The following OPCML variants were observed in gnomAD, a reference collection of about 807,000 sequenced individuals.
OPCML encodes opioid binding protein/cell adhesion molecule like.
A neutral mutation model predicts 37.8 loss-of-function variants in OPCML; 13 were observed. The observed-to-expected ratio is 0.34, with a 90% CI of 0.22 to 0.55. The LOEUF is 0.55. Ranked by LOEUF, OPCML falls within the 20% of genes least tolerant of loss-of-function variation. OPCML has a pLI of 0.91. For synonymous variants in OPCML, 176 were observed against 168.8 expected, an observed-to-expected ratio of 1.04 and a Z score of -0.33; for missense variants, 341 against 435.6, an observed-to-expected ratio of 0.78 and a Z score of 1.93.
At chr11:132,956,010 A>G (rs1945970838) in intron 1 of OPCML, among the ~76,000 whole-genome samples, 1 of 152,240 alleles carries the variant, frequency 6.6e-6, no homozygotes, top group Admixed American at 6.5e-5. Flanking sequence ...AATTAATAAT[A>G]AAAATAATTA....
At chr11:133,494,914 A>C (rs567295744) in intron 1 of OPCML, among the ~76,000 whole-genome samples, 45 of 151,906 alleles carry the variant, frequency 3.0e-4, no homozygotes, top group African/African-American at 1.1e-3. Context: ...AGTTTTTTCA[A>C]TTTTATTTTT....
intron 2 of OPCML, among the ~76,000 whole-genome samples, chr11:132,806,285 A>C (rs1939002169): frequency 6.6e-6 from 1 of 152,142 alleles, no homozygotes; most frequent in African/African-American, 2.4e-5. Context: ...TGAAATGTGA[A>C]GGGATTTAAA....
intron 2 of OPCML, among the ~76,000 whole-genome samples, chr11:132,660,756 C>T (rs1941938054): frequency 6.6e-6 from 1 of 152,140 alleles, no homozygotes; most frequent in Non-Finnish European, 1.5e-5. Flanking sequence ...CCCTGCTTTG[C>T]TTCTGTGGGA....
rs141764359 is a variant in OPCML, at chr11:133,062,172, C to T, written c.62-119162G>A. 3.3e-3 allele frequency among the ~76,000 whole-genome samples: 500 copies of T among 152,302 alleles called. 2 individuals carry two copies. The Middle Eastern group carries it at 0.034, about 10-fold the overall frequency. On this transcript the variant is annotated intron_variant, in intron 1 of 7. Coordinates refer to ENST00000524381, the MANE Select transcript of OPCML (RefSeq NM_001012393.5). Reference sequence around the variant, plus strand: ...GTCCACAGTGTCAGGGAGGAAAGCACAGGAGCAGCTTGCATCAGACTCCAC... The same window carrying T: ...GTCCACAGTGTCAGGGAGGAAAGCATAGGAGCAGCTTGCATCAGACTCCAC...
intron 3 of OPCML, among the ~76,000 whole-genome samples, chr11:132,580,167 C>G (rs1412902091): frequency 6.6e-6 from 1 of 152,166 alleles, no homozygotes; most frequent in East Asian, 1.9e-4. Context: ...TCCCTTATGT[C>G]TTTGTGCCAC....
chr11:132,963,779 C>G (rs1015666796), intron 1 of OPCML, among the ~76,000 whole-genome samples: 3 of 151,862 alleles, frequency 2.0e-5, no homozygotes, highest in Non-Finnish European at 4.4e-5. Flanking sequence ...TTAATTGTTG[C>G]TGGTCTTACT....
At chr11:133,487,323 T>A (rs1947551326) in intron 1 of OPCML, among the ~76,000 whole-genome samples, 1 of 152,140 alleles carries the variant, frequency 6.6e-6, no homozygotes, top group Non-Finnish European at 1.5e-5. Flanking sequence ...TCTTTTGTGA[T>A]CTTTTGAAAT....
chr11:132,965,444 T>C (rs1283601757), intron 1 of OPCML, among the ~76,000 whole-genome samples: 1 of 152,218 alleles, frequency 6.6e-6, no homozygotes, highest in Non-Finnish European at 1.5e-5. Context: ...TGTTAGTAGT[T>C]GTGAATTTCT....
intron 1 of OPCML, among the ~76,000 whole-genome samples, chr11:133,321,840 G>A (rs546109223): frequency 5.3e-4 from 80 of 152,134 alleles, no homozygotes; most frequent in African/African-American, 1.7e-3. Flanking sequence ...AAATACCTGC[G>A]TGACTATTTC....
At chr11:133,358,946 A>G (rs1473265063) in intron 1 of OPCML, among the ~76,000 whole-genome samples, 1 of 150,224 alleles carries the variant, frequency 6.7e-6, no homozygotes. Context: ...GGGTATGAGT[A>G]TGTGTGTAGG....
chr11:133,258,302 T>C (rs1487322965), intron 1 of OPCML, among the ~76,000 whole-genome samples: 1 of 152,174 alleles, frequency 6.6e-6, no homozygotes, highest in African/African-American at 2.4e-5. Context: ...GAATAGGGGA[T>C]GTCAGGAGCT....
chr11:132,621,975 A>C (rs1939437500), intron 3 of OPCML, among the ~76,000 whole-genome samples: 1 of 152,204 alleles, frequency 6.6e-6, no homozygotes, highest in South Asian at 2.1e-4. Flanking sequence ...AATTATTGAA[A>C]TAGAGATTAG....
At chr11:133,091,280 G>C (rs1050086094) in intron 1 of OPCML, among the ~76,000 whole-genome samples, 3 of 152,164 alleles carry the variant, frequency 2.0e-5, no homozygotes, top group Non-Finnish European at 4.4e-5. Context: ...GCCTCAGAGA[G>C]CCTCAGGGCC....
intron 4 of OPCML, among the ~76,000 whole-genome samples, chr11:132,524,808 C>A (rs1031619125): frequency 6.6e-6 from 1 of 152,188 alleles, no homozygotes; most frequent in Admixed American, 6.5e-5. Context: ...TGGGATCCAC[C>A]TTTGGAAACT....
intron 1 of OPCML, among the ~76,000 whole-genome samples, chr11:133,115,992 C>T (rs557124754): frequency 4.6e-5 from 7 of 151,660 alleles, no homozygotes; most frequent in East Asian, 1.9e-4. Context: ...ATTTTTGAGA[C>T]GGGGTCTCGC....
chr11:133,420,562 C>A lies in OPCML; in HGVS notation c.61+111702G>T, dbSNP rs1945866417. On this transcript the variant is annotated intron_variant, in intron 1 of 7. Transcript: ENST00000524381. Reference sequence around the variant, plus strand: ...TCCATCTGCAAACATCATTAACATGCTATTTACTCCCTCATTAACACTGAA... The same window carrying A: ...TCCATCTGCAAACATCATTAACATGATATTTACTCCCTCATTAACACTGAA... 4 of 981,326 alleles carry A rather than the reference C, an allele frequency of 4.1e-6. No homozygotes were observed. The South Asian group carries it at 1.4e-4, about 35-fold the overall frequency. 60.8% of individuals were successfully genotyped at this position (981,326 alleles called of 1,614,324 possible). A position where few individuals can be genotyped will look rare whatever the true frequency, so the allele number is the denominator to read the frequency against.
At chr11:132,807,412 C>T (rs1201689884) in intron 2 of OPCML, among the ~76,000 whole-genome samples, 2 of 152,182 alleles carry the variant, frequency 1.3e-5, no homozygotes, top group Admixed American at 1.3e-4. Flanking sequence ...AACTTGACAA[C>T]TCTGATATTA....
intron 1 of OPCML, among the ~76,000 whole-genome samples, chr11:133,368,218 G>A (rs1341396920): frequency 7.2e-6 from 1 of 139,198 alleles, no homozygotes; most frequent in Non-Finnish European, 1.5e-5. Flanking sequence ...AGGAAGAGGG[G>A]AGGAATATAG....
chr11:132,660,010 A>G lies in OPCML; in HGVS notation c.147-2691T>C, dbSNP rs118155282. Among the ~76,000 whole-genome samples the G allele has an allele frequency of 2.6e-5, 4 of 152,326 alleles. No homozygotes were observed. The East Asian group carries it at 7.7e-4, about 29-fold the overall frequency. On this transcript the variant is annotated intron_variant, in intron 2 of 7. Transcript: ENST00000524381. ...TATGACCATAAAACTTTAAGCAATA[A>G]TATATTTCTTAAATGAATGATCATT...
Sources: gnomAD v4.1 joint callset for allele counts (sites outside exome capture counted in the v4.1 genomes callset) on GRCh38, gnomAD v4.1.1 for gene constraint, MANE v1.5 for transcripts, NCBI Gene and HGNC (gene_info 2026-07-23, HGNC 2026-07-21) for gene names.